The following AKAP13 variants were observed in gnomAD, a reference collection of about 807,000 sequenced individuals.
AKAP13 encodes A-kinase anchor protein 13.
Under a neutral mutation model 264.5 loss-of-function variants are expected in AKAP13, and 80 were observed. The ratio of observed to expected loss-of-function variants is 0.30; its 90% CI spans 0.25 to 0.36. The LOEUF is 0.36. AKAP13 is among the 10% of genes least tolerant of loss of function. The pLI, the probability that AKAP13 is intolerant of heterozygous loss-of-function variation, is 1.00. For synonymous variants in AKAP13, 1,380 were observed against 1,250.2 expected (o/e 1.10, Z -2.19); for missense variants, 3,712 against 3,435.2 (o/e 1.08, Z -2.01).
At chr15:85,628,727 A>G (rs1171172917) in intron 8 of AKAP13, among the ~76,000 whole-genome samples, 4 of 152,200 alleles carry the variant, frequency 2.6e-5, no homozygotes, top group African/African-American at 9.6e-5. Flanking sequence ...CCAGTTTCAT[A>G]TTTTACTTGT....
At chr15:85,674,824 A>ATG (rs71141476) in intron 14 of AKAP13, among the ~76,000 whole-genome samples, 28,255 of 151,030 alleles carry the variant, frequency 0.19, 3,450 homozygotes, top group Middle Eastern at 0.4. Context: ...TGAAATATGT[A>ATG]TGTGTGTGTG....
chr15:85,388,277 A>G (rs1010764179), intron 1 of AKAP13, among the ~76,000 whole-genome samples: 1 of 151,506 alleles, frequency 6.6e-6, no homozygotes, highest in Non-Finnish European at 1.5e-5. Context: ...ACTCCTGACC[A>G]CAAGTGATCC....
At chr15:85,723,368 C>A (rs1195188914) in intron 26 of AKAP13, 48 bp downstream of exon 26, 1 of 1,583,502 alleles carries the variant, frequency 6.3e-7, no homozygotes, top group Admixed American at 1.8e-5. Flanking sequence ...GTAAAACAGG[C>A]AAAAATCCAA....
chr15:85,508,432 C>T (rs947554118), intron 2 of AKAP13, among the ~76,000 whole-genome samples: 3 of 151,266 alleles, frequency 2.0e-5, no homozygotes, highest in South Asian at 2.1e-4. Context: ...CGTGCGCTAT[C>T]GTGCCTGGCC....
chr15:85,412,656 A>C (rs1371181079), intron 1 of AKAP13, among the ~76,000 whole-genome samples: 2 of 152,240 alleles, frequency 1.3e-5, no homozygotes, highest in African/African-American at 2.4e-5. Flanking sequence ...TCAGTTTTTA[A>C]GAGTAAAAAG....
intron 1 of AKAP13, among the ~76,000 whole-genome samples, chr15:85,391,772 A>G (rs772960353): frequency 3.8e-4 from 56 of 148,584 alleles, no homozygotes; most frequent in Non-Finnish European, 7.0e-4. Context: ...GGTGTGAGCT[A>G]TTGCACCTGG....
rs770278002 is a variant in AKAP13, at chr15:85,743,756, G to C, written c.8323G>C (p.Gly2775Arg). ...ASTSASTRLF[G>R]LTKPKEKKEK... The stretch of plus-strand genomic sequence containing the variant: ...CACCTCTGCCTCTACCCGCCTGTTT[G>C]GGTTAACAAAGCCAAAGGAAAAGAA... The change falls in exon 36 of 37, where the codon GGG (glycine) becomes CGG (arginine). Residue 2775 changes from glycine (G) to arginine (R), a missense_variant. Gly to Arg is a moderately radical substitution (Grantham distance 125, BLOSUM62 -2). Transcript: ENST00000394518. The C allele has an allele frequency of 1.2e-5, 19 of 1,613,908 alleles. No homozygotes were observed. The Middle Eastern group carries it at 2.3e-3, about 196-fold the overall frequency.
intron 26 of AKAP13, among the ~76,000 whole-genome samples, chr15:85,723,531 CAAAG>C (rs2087420662): frequency 6.6e-6 from 1 of 151,846 alleles, no homozygotes; most frequent in Non-Finnish European, 1.5e-5. Context: ...AGGAAGAAGA[CAAAG>C]AAATGATGCA....
At chr15:85,520,104 G>A (rs2076760564) in intron 2 of AKAP13, among the ~76,000 whole-genome samples, 1 of 151,920 alleles carries the variant, frequency 6.6e-6, no homozygotes, top group South Asian at 2.1e-4. Context: ...TATATAGTTC[G>A]TAATTGGGAG....
At chr15:85,623,985 T>C (rs538497283) in intron 8 of AKAP13, among the ~76,000 whole-genome samples, 2 of 152,144 alleles carry the variant, frequency 1.3e-5, no homozygotes, top group Admixed American at 1.3e-4. Flanking sequence ...TGATGGGAGC[T>C]TTCACCTAAC....
At chr15:85,658,236 A>G (rs994640720) in intron 11 of AKAP13, among the ~76,000 whole-genome samples, 3 of 151,912 alleles carry the variant, frequency 2.0e-5, no homozygotes, top group African/African-American at 7.3e-5. Flanking sequence ...GTTAAGAAAA[A>G]CCCCTTTAAA....
chr15:85,520,498 CAAA>C (rs71468111), intron 2 of AKAP13, among the ~76,000 whole-genome samples: 3 of 71,302 alleles, frequency 4.2e-5, no homozygotes, highest in African/African-American at 5.4e-5. Flanking sequence ...AACTCCGTCT[CAAA>C]AAAAAAAAAA....
At chr15:85,611,115 C>T (rs7175731) in intron 8 of AKAP13, among the ~76,000 whole-genome samples, 62,840 of 152,060 alleles carry the variant, frequency 0.41, 13,824 homozygotes, top group East Asian at 0.57. Flanking sequence ...TAGCAAAATC[C>T]GGATCTTGTA....
chr15:85,478,832 A>G (rs2075264181), intron 1 of AKAP13, among the ~76,000 whole-genome samples: 2 of 92,568 alleles, frequency 2.2e-5, no homozygotes, highest in Admixed American at 9.7e-5. Context: ...GACACATATT[A>G]TGAGTCTTAA....
chr15:85,400,103 A>T (rs2071349540), intron 1 of AKAP13, among the ~76,000 whole-genome samples: 1 of 152,158 alleles, frequency 6.6e-6, no homozygotes, highest in Admixed American at 6.5e-5. Flanking sequence ...CTGACTGTTA[A>T]AGCTTTTAGT....
chr15:85,672,132 A>T (rs1352493198), intron 14 of AKAP13, among the ~76,000 whole-genome samples: 1 of 152,230 alleles, frequency 6.6e-6, no homozygotes, highest in Non-Finnish European at 1.5e-5. Context: ...TGATTGCAGT[A>T]GTAGACTGCT....
intron 1 of AKAP13, among the ~76,000 whole-genome samples, chr15:85,459,390 G>A (rs931323044): frequency 1.0e-4 from 15 of 149,378 alleles, no homozygotes; most frequent in African/African-American, 3.7e-4. Flanking sequence ...GTAGAGATGG[G>A]GTTTCATCAT....
rs2079091304 is a variant in AKAP13, at chr15:85,578,558, G to A, written c.862-372G>A. 3.3e-5 allele frequency among the ~76,000 whole-genome samples: 5 copies of A among 151,952 alleles called. No homozygotes were observed. In the South Asian group the frequency reaches 1.0e-3, roughly 32 times the overall value. ...GACAGGGTTTCTCCATGTTGAGGCT[G>A]GTCTCGAACTCCTGACCTCAGGTGA... On this transcript the variant is annotated intron_variant, in intron 6 of 36. Transcript: ENST00000394518.
chr15:85,633,644 C>A (rs375394196), intron 8 of AKAP13, among the ~76,000 whole-genome samples: 1 of 147,624 alleles, frequency 6.8e-6, no homozygotes, highest in African/African-American at 2.5e-5. Context: ...CCCGGGTTCA[C>A]GCCATTCTCC....
Sources: allele counts gnomAD v4.1 joint callset (sites outside exome capture counted in the v4.1 genomes callset), GRCh38; gene constraint gnomAD v4.1.1; transcripts MANE v1.5; gene names NCBI Gene and HGNC (gene_info 2026-07-23, HGNC 2026-07-21).